LRRC8D: variants seen among roughly 807,000 people sequenced by gnomAD.
The protein encoded by LRRC8D is volume-regulated anion channel subunit LRRC8D.
Under a neutral mutation model 55.8 loss-of-function variants are expected in LRRC8D, and 20 were observed. That is an observed-to-expected ratio of 0.36 (90% CI 0.25 to 0.52). The LOEUF (loss-of-function observed/expected upper bound fraction) is 0.52. Among genes scored for constraint, LRRC8D ranks in the 20% least tolerant of loss-of-function variants. The pLI, the probability that LRRC8D is intolerant of heterozygous loss-of-function variation, is 0.93. For synonymous variants in LRRC8D, 352 were observed against 377.0 expected (o/e 0.93, Z 0.77); for missense variants, 651 against 1,030.8 (o/e 0.63, Z 5.05).
chr1:89,898,467 T>C (rs757396837), intron 2 of LRRC8D, among the ~76,000 whole-genome samples: 1 of 152,170 alleles, frequency 6.6e-6, no homozygotes, highest in African/African-American at 2.4e-5. Flanking sequence ...ACATTGAAGC[T>C]CAGAAAGAGC....
intron 2 of LRRC8D, among the ~76,000 whole-genome samples, chr1:89,860,102 C>G (rs922326015): frequency 3.3e-5 from 5 of 152,154 alleles, no homozygotes; most frequent in African/African-American, 1.2e-4. Flanking sequence ...ACTTGAAGGT[C>G]ACTGGTTAAT....
At chr1:89,877,871 G>A (rs1211859860) in intron 2 of LRRC8D, among the ~76,000 whole-genome samples, 2 of 152,202 alleles carry the variant, frequency 1.3e-5, no homozygotes, top group Admixed American at 1.3e-4. Flanking sequence ...AGGAATCATA[G>A]TAATATTTGA....
At chr1:89,860,786 ATATATATATAT>A (rs1401994031) in intron 2 of LRRC8D, among the ~76,000 whole-genome samples, 2 of 21,110 alleles carry the variant, frequency 9.5e-5, no homozygotes, top group Non-Finnish European at 2.1e-4. Context: ...AAAAAAAAAA[ATATATATATAT>A]ATATATATAT....
At chr1:89,825,210 A>G (rs1660735479) in intron 1 of LRRC8D, among the ~76,000 whole-genome samples, 2 of 152,158 alleles carry the variant, frequency 1.3e-5, no homozygotes, top group South Asian at 2.1e-4. Flanking sequence ...TGGGGGCTCT[A>G]TTGGTCCTAT....
At chr1:89,902,138 A>C (rs1407690954) in intron 2 of LRRC8D, among the ~76,000 whole-genome samples, 1 of 152,270 alleles carries the variant, frequency 6.6e-6, no homozygotes, top group African/African-American at 2.4e-5. Context: ...ATTGAAACAT[A>C]TGTTTTCTCC....
At chr1:89,909,292 A>G (rs188818072) in intron 2 of LRRC8D, among the ~76,000 whole-genome samples, 7 of 152,060 alleles carry the variant, frequency 4.6e-5, no homozygotes, top group Middle Eastern at 3.4e-3. Flanking sequence ...TGATTGTGTC[A>G]TTAGTAATAA....
intron 2 of LRRC8D, among the ~76,000 whole-genome samples, chr1:89,869,201 CCA>C (rs1465527442): frequency 6.6e-6 from 1 of 152,106 alleles, no homozygotes; most frequent in Non-Finnish European, 1.5e-5. Context: ...GCCACTGCAC[CCA>C]GCCAACACTG....
Position 89,933,025 on chromosome 1 carries a change from T to C in LRRC8D, c.-2-42T>C, listed in dbSNP as rs1282274193. 2 of 1,552,100 alleles carry C rather than the reference T, an allele frequency of 1.3e-6. No individual in the cohort carries two copies. The highest frequency in any genetic ancestry group is 3.6e-5 in the Admixed American group (2 of 54,936). ...GGTTTTTCTCATTTACTCTTTTCAT[T>C]TGCATCTCTAGAATAATGTCTTTTG... On this transcript the variant is annotated intron_variant, in intron 2 of 2. Transcript: ENST00000337338. This position sits in a 1 kb window ranked among gnomAD's most constrained non-coding sequence, Gnocchi z 7.0.
At chr1:89,927,459 T>C (rs868317688) in intron 2 of LRRC8D, among the ~76,000 whole-genome samples, 2 of 152,274 alleles carry the variant, frequency 1.3e-5, no homozygotes, top group Non-Finnish European at 2.9e-5. Context: ...GGCATTTGGA[T>C]AGCTTACAAT....
intron 2 of LRRC8D, among the ~76,000 whole-genome samples, chr1:89,876,579 G>A (rs564252023): frequency 1.3e-5 from 2 of 152,308 alleles, no homozygotes; most frequent in East Asian, 1.9e-4. Context: ...CAGAGAGGTG[G>A]CAGGGTAGTG....
intron 1 of LRRC8D, chr1:89,822,314 C>G (rs549670288): frequency 2.0e-5 from 3 of 152,808 alleles, no homozygotes; most frequent in African/African-American, 7.2e-5. Flanking sequence ...GGAGGGCGCA[C>G]TCAGGATGTA....
chr1:89,924,184 A>G (rs1264702954), intron 2 of LRRC8D, among the ~76,000 whole-genome samples: 1 of 152,240 alleles, frequency 6.6e-6, no homozygotes, highest in Non-Finnish European at 1.5e-5. Context: ...TGCATCTGAC[A>G]AAGGTCTAAT....
intron 2 of LRRC8D, among the ~76,000 whole-genome samples, chr1:89,862,151 T>C (rs914605928): frequency 6.6e-6 from 1 of 152,210 alleles, no homozygotes; most frequent in Non-Finnish European, 1.5e-5. Context: ...GGTCACTCTA[T>C]GCAGCGATTT....
At chr1:89,889,481 A>G (rs1250076300) in intron 2 of LRRC8D, among the ~76,000 whole-genome samples, 1 of 152,022 alleles carries the variant, frequency 6.6e-6, no homozygotes, top group African/African-American at 2.4e-5. Flanking sequence ...GTGAATTGTG[A>G]CTAATGTATG....
intron 2 of LRRC8D, among the ~76,000 whole-genome samples, chr1:89,893,641 C>G (rs1662632768): frequency 6.6e-6 from 1 of 152,116 alleles, no homozygotes. Flanking sequence ...TGTAATGGGA[C>G]ATACGTTATT....
chr1:89,922,363 C>A (rs1220247010), intron 2 of LRRC8D, among the ~76,000 whole-genome samples: 6 of 152,072 alleles, frequency 3.9e-5, no homozygotes, highest in Admixed American at 3.3e-4. Flanking sequence ...CTGCGTCTGG[C>A]CAATAATTTT....
At chr1:89,927,123 C>G (rs2100987070) in intron 2 of LRRC8D, among the ~76,000 whole-genome samples, 1 of 152,334 alleles carries the variant, frequency 6.6e-6, no homozygotes, top group Admixed American at 6.5e-5. Context: ...GGCACCTACT[C>G]TCAGGCCAGG....
intron 2 of LRRC8D, among the ~76,000 whole-genome samples, chr1:89,859,165 AAT>A (rs1399273231): frequency 1.3e-5 from 2 of 152,148 alleles, no homozygotes; most frequent in Non-Finnish European, 2.9e-5. Context: ...AATGTAATTG[AAT>A]TTTTAAATTC....
chr1:89,929,216 A>C (rs1385968672), intron 2 of LRRC8D, among the ~76,000 whole-genome samples: 1 of 152,256 alleles, frequency 6.6e-6, no homozygotes, highest in African/African-American at 2.4e-5. Context: ...AACACATGGA[A>C]GAAACACCTC....
Sources: gnomAD v4.1 joint callset for allele counts (sites outside exome capture counted in the v4.1 genomes callset) on GRCh38, gnomAD v4.1.1 for gene constraint, Gnocchi (gnomAD v3.1) non-coding constraint, MANE v1.5 for transcripts, NCBI Gene and HGNC (gene_info 2026-07-23, HGNC 2026-07-21) for gene names.